DIP2B: variants seen among roughly 807,000 people sequenced by gnomAD.
The protein encoded by DIP2B is disco-interacting protein 2 homolog B.
A neutral mutation model predicts 198.0 loss-of-function variants in DIP2B; 76 were observed. The ratio of observed to expected loss-of-function variants is 0.38; its 90% confidence interval spans 0.32 to 0.46. The LOEUF (loss-of-function observed/expected upper bound fraction) is 0.46. Among genes scored for constraint, DIP2B ranks in the 20% least tolerant of loss-of-function variants. DIP2B has a pLI of 0.99. For synonymous variants in DIP2B, 701 were observed against 739.1 expected (o/e 0.95, Z 0.84); for missense variants, 1,559 against 1,978.4 (o/e 0.79, Z 4.02).
chr12:50,721,179 C>A (rs1199506501), intron 25 of DIP2B, 94 bp from the exon 26 acceptor site: 17 of 1,504,140 alleles, frequency 1.1e-5, no homozygotes, highest in Admixed American at 4.4e-5. Flanking sequence ...TACAAAAGCA[C>A]AAGCCTTTCA....
intron 3 of DIP2B, among the ~76,000 whole-genome samples, chr12:50,643,185 A>G (rs1006821868): frequency 2.6e-5 from 4 of 152,218 alleles, no homozygotes; most frequent in Non-Finnish European, 5.9e-5. Flanking sequence ...GTTTTTTGTG[A>G]GCTCATTTAG....
chr12:50,683,067 TAGAC>T (rs778866911), intron 9 of DIP2B, 67 bp from the exon 10 acceptor site: 19 of 1,227,132 alleles, frequency 1.5e-5, no homozygotes, highest in African/African-American at 4.6e-5. Flanking sequence ...ATTACATACT[TAGAC>T]AGTGACATTG....
chr12:50,529,590 G>A (rs73117154), intron 1 of DIP2B, among the ~76,000 whole-genome samples: 7,971 of 152,286 alleles, frequency 0.052, 274 homozygotes, highest in Middle Eastern at 0.12. Context: ...CAGCATGGCA[G>A]GGGTGGGTTG....
chr12:50,714,865 T>C (rs1310299248), intron 23 of DIP2B, among the ~76,000 whole-genome samples: 1 of 152,088 alleles, frequency 6.6e-6, no homozygotes, highest in African/African-American at 2.4e-5. Flanking sequence ...GGCTTGAGCC[T>C]GGGAGGTTGC....
intron 19 of DIP2B, among the ~76,000 whole-genome samples, chr12:50,703,029 C>T (rs1435453402): frequency 6.6e-6 from 1 of 151,692 alleles, no homozygotes; most frequent in Non-Finnish European, 1.5e-5. Flanking sequence ...AGTTCAATAC[C>T]TCTGGACAAT....
At chr12:50,606,774 G>A (rs1023646658) in intron 1 of DIP2B, among the ~76,000 whole-genome samples, 3 of 151,266 alleles carry the variant, frequency 2.0e-5, no homozygotes, top group African/African-American at 7.3e-5. Flanking sequence ...GGGACTACAG[G>A]CTCATACCAC....
At chr12:50,516,782 C>G (rs948369196) in intron 1 of DIP2B, among the ~76,000 whole-genome samples, 9 of 152,054 alleles carry the variant, frequency 5.9e-5, no homozygotes, top group Non-Finnish European at 1.5e-5. Flanking sequence ...CGAGACCAGC[C>G]TGGCCAACAT....
In DIP2B at chr12:50,731,524, T is replaced by C. The variant is rs767806351; in HGVS notation, c.3797T>C (p.Val1266Ala). 2 of 1,613,114 alleles carry C rather than the reference T, an allele frequency of 1.2e-6. No homozygotes were observed. The highest frequency in any genetic ancestry group is 1.7e-6 in the Non-Finnish European group (2 of 1,179,430). Reference protein sequence around the residue: ...ELCTKGLGNQVEVLKTRGINL... With the variant: ...ELCTKGLGNQAEVLKTRGINL... ...TGCACCAAAGGTCTTGGGAACCAAG[T>C]GGAAGTGCTAAAGGTAAGAAGCAGC... Residue 1266 changes from valine (V) to alanine (A), a missense_variant, in exon 31 of 38, where the codon GTG (valine) becomes GCG (alanine). Coordinates refer to ENST00000301180, the MANE Select transcript of DIP2B (RefSeq NM_173602.3).
rs1940040932 is a variant in DIP2B at position 50,731,449 on chromosome 12, A to G, written c.3722A>G (p.Asn1241Ser). The change falls in exon 31 of 38, where the codon AAC becomes AGC. Residue 1241 changes from asparagine to serine, a missense_variant. By Grantham distance (46) the Asn-to-Ser change is conservative. Coordinates refer to ENST00000301180, the MANE Select transcript of DIP2B (RefSeq NM_173602.3). ...CTTTTCCTCTGGCTCTCCACAGTCAACCAGTACAAAATAAGGGACACTTTC... is the reference window on the plus strand; with the variant it reads ...CTTTTCCTCTGGCTCTCCACAGTCAGCCAGTACAAAATAAGGGACACTTTC... ...NNLFLWLSTV[N>S]QYKIRDTFCS... The G allele has an allele frequency of 6.2e-7, 1 of 1,614,170 alleles. No homozygotes were observed. Among genetic ancestry groups the G allele is most frequent in the Middle Eastern group, 1.6e-4 (1 of 6,062 alleles).
chr12:50,538,910 A>C (rs1457595809), intron 1 of DIP2B, among the ~76,000 whole-genome samples: 1 of 152,102 alleles, frequency 6.6e-6, no homozygotes, highest in East Asian at 1.9e-4. Flanking sequence ...ATTTCTTTCC[A>C]GCTTTCTATG....
At chr12:50,531,208 G>T (rs1958214063) in intron 1 of DIP2B, among the ~76,000 whole-genome samples, 1 of 152,142 alleles carries the variant, frequency 6.6e-6, no homozygotes, top group African/African-American at 2.4e-5. Context: ...ACCACGCCTG[G>T]CTAATTTTTT....
chr12:50,559,451 T>C (rs1958499454), intron 1 of DIP2B, among the ~76,000 whole-genome samples: 1 of 151,172 alleles, frequency 6.6e-6, no homozygotes, highest in African/African-American at 2.4e-5. Context: ...TTAAAAAAAA[T>C]ATTATTAGGC....
chr12:50,546,211 G>C (rs1023516913), intron 1 of DIP2B, among the ~76,000 whole-genome samples: 2 of 152,226 alleles, frequency 1.3e-5, no homozygotes, highest in African/African-American at 4.8e-5. Flanking sequence ...TGGTCCTGCT[G>C]TTCAGAAATA....
intron 32 of DIP2B, among the ~76,000 whole-genome samples, chr12:50,732,908 C>CA (rs1565885617): frequency 6.8e-6 from 1 of 146,782 alleles, no homozygotes. Context: ...TTTCCTTTTT[C>CA]TTTTTTTTTT....
chr12:50,530,907 A>C (rs574202439), intron 1 of DIP2B, among the ~76,000 whole-genome samples: 1 of 152,228 alleles, frequency 6.6e-6, no homozygotes, highest in South Asian at 2.1e-4. Context: ...GGGACATGCA[A>C]ATGGAGATCT....
At chr12:50,623,435 ACACTCTCTCTCT>A (rs1237418712) in intron 1 of DIP2B, among the ~76,000 whole-genome samples, 11 of 41,322 alleles carry the variant, frequency 2.7e-4, no homozygotes, top group African/African-American at 9.5e-4. Flanking sequence ...ACACACACAC[ACACTCTCTCTCT>A]CTCTCTCTCT....
Position 50,546,914 on chromosome 12 carries a change from C to T in DIP2B, c.100+41674C>T, listed in dbSNP as rs183715506. 3.3e-5 allele frequency among the ~76,000 whole-genome samples: 5 copies of T among 152,288 alleles called. 1 individual carries two copies. Among genetic ancestry groups the T allele is most frequent in the South Asian group, 2.1e-4 (1 of 4,822 alleles). On this transcript the variant is annotated intron_variant, in intron 1 of 37. Coordinates refer to ENST00000301180, the MANE Select transcript of DIP2B (RefSeq NM_173602.3). Reference sequence around the variant, plus strand: ...TTTATGTATAAATAATTTAGAAACACATTACCTATAATACAAAACAATTAA... The same window carrying T: ...TTTATGTATAAATAATTTAGAAACATATTACCTATAATACAAAACAATTAA...
At chr12:50,599,570 T>C (rs1958918156) in intron 1 of DIP2B, among the ~76,000 whole-genome samples, 1 of 152,238 alleles carries the variant, frequency 6.6e-6, no homozygotes, top group East Asian at 1.9e-4. Context: ...GAGCCGAGAT[T>C]GCGCCATTGC....
chr12:50,579,393 A>T (rs901692087), intron 1 of DIP2B, among the ~76,000 whole-genome samples: 1 of 151,554 alleles, frequency 6.6e-6, no homozygotes, highest in Non-Finnish European at 1.5e-5. Flanking sequence ...AGGGCAGATC[A>T]CTTGAGCCCA....
Sources: gnomAD v4.1 joint callset for allele counts (sites outside exome capture counted in the v4.1 genomes callset) on GRCh38, gnomAD v4.1.1 for gene constraint, MANE v1.5 for transcripts, NCBI Gene and HGNC (gene_info 2026-07-23, HGNC 2026-07-21) for gene names.